ADCY9: variants seen among roughly 807,000 people sequenced by gnomAD.
ADCY9 encodes adenylate cyclase 9.
Under a neutral mutation model 101.5 loss-of-function variants are expected in ADCY9, and 50 were observed. The ratio of observed to expected loss-of-function variants is 0.49; its 90% confidence interval spans 0.39 to 0.62. The LOEUF is 0.62. Ranked by LOEUF, ADCY9 falls within the 20% of genes least tolerant of loss-of-function variation. The pLI, the probability that ADCY9 is intolerant of heterozygous loss-of-function variation, is 0.00. For missense variants in ADCY9, 1,662 were observed against 1,800.4 expected (o/e 0.92, Z 1.39); for synonymous variants, 905 against 769.3 (o/e 1.18, Z -2.92).
intron 2 of ADCY9, among the ~76,000 whole-genome samples, chr16:4,016,700 T>C (rs2056440918): frequency 6.6e-6 from 1 of 152,108 alleles, no homozygotes; most frequent in Non-Finnish European, 1.5e-5. Flanking sequence ...TAAAGCTGTA[T>C]GATGTTTAGT....
intron 2 of ADCY9, among the ~76,000 whole-genome samples, chr16:4,095,550 G>T (rs2056998313): frequency 6.6e-6 from 1 of 152,070 alleles, no homozygotes; most frequent in South Asian, 2.1e-4. Flanking sequence ...TCATTTTACT[G>T]GCAACTAACC....
chr16:4,085,222 C>G (rs1041615445), intron 2 of ADCY9, among the ~76,000 whole-genome samples: 2 of 152,208 alleles, frequency 1.3e-5, no homozygotes, highest in Admixed American at 1.3e-4. Flanking sequence ...ATTAGCGGGG[C>G]ATGGTGGCGC....
downstream of ADCY9, among the ~76,000 whole-genome samples, chr16:3,961,601 CG>C (rs2055939009): frequency 6.6e-6 from 1 of 152,156 alleles, no homozygotes; most frequent in African/African-American, 2.4e-5. Flanking sequence ...TCATTGGCCC[CG>C]GGCTCCAGCA....
chr16:3,990,974 A>G (rs1294169355), intron 5 of ADCY9, among the ~76,000 whole-genome samples: 1 of 152,030 alleles, frequency 6.6e-6, no homozygotes, highest in Non-Finnish European at 1.5e-5. Context: ...TAATTTTTGT[A>G]CTTTTAGTAG....
At chr16:3,956,770 C>T (rs552536337) in intron 5 of ADCY9, among the ~76,000 whole-genome samples, 11 of 151,832 alleles carry the variant, frequency 7.2e-5, no homozygotes, top group African/African-American at 2.7e-4. Flanking sequence ...GCTGAGACTA[C>T]AGGCGTGAGC....
exon 6 of ADCY9, chr16:3,953,396 T>C (rs985166676): frequency 3.9e-5 from 6 of 152,140 alleles, no homozygotes; most frequent in African/African-American, 9.7e-5. Flanking sequence ...GTTTTGGTAA[T>C]TGACAGAGCA....
chr16:4,033,445 T>G lies in ADCY9; in HGVS notation c.1694-25887A>C, dbSNP rs918660175. Reference sequence around the variant, plus strand: ...CTCCTTGAAGTAATTTTTTTTTTTTTTTTTTTTGAGACGGAGTCTTGCTCT... The same window carrying G: ...CTCCTTGAAGTAATTTTTTTTTTTTGTTTTTTTGAGACGGAGTCTTGCTCT... On this transcript the variant is annotated intron_variant, in intron 2 of 10. Transcript: ENST00000294016. Among the ~76,000 whole-genome samples, 7 of 151,052 alleles carry G rather than the reference T, an allele frequency of 4.6e-5. 1 individual carries two copies. The highest frequency in any genetic ancestry group is 6.6e-5 in the Admixed American group (1 of 15,156).
chr16:3,962,299 C>T (rs1049843749), downstream of ADCY9, among the ~76,000 whole-genome samples: 19 of 152,206 alleles, frequency 1.2e-4, no homozygotes, highest in Admixed American at 8.5e-4. Flanking sequence ...CTACTTTTTC[C>T]CCCTCAATTC....
In ADCY9 at chr16:4,069,272, GTTATTATTATTA is replaced by G. The variant is rs57466737; in HGVS notation, c.1693+44466_1693+44477del. ...TTATTTCAATATGCTGTTGTTGTAAGTTATTATTATTATTATTATTATTATTATTAGGGGGAT... is the reference window on the plus strand; with the variant it reads ...TTATTTCAATATGCTGTTGTTGTAAGTTATTATTATTATTATTAGGGGGAT... On this transcript the variant is annotated intron_variant, in intron 2 of 10. Transcript: ENST00000294016. Among the ~76,000 whole-genome samples the G allele has an allele frequency of 3.4e-5, 5 of 147,376 alleles. No homozygotes were observed. The South Asian group carries it at 6.5e-4, about 19-fold the overall frequency.
chr16:4,014,244 A>C (rs1053225945), intron 2 of ADCY9, among the ~76,000 whole-genome samples: 1 of 150,874 alleles, frequency 6.6e-6, no homozygotes, highest in Non-Finnish European at 1.5e-5. Context: ...GCTTGAACCC[A>C]GGAGGCGGAG....
rs2056866399 is a variant in ADCY9, at chr16:4,076,195, AC to A, written c.1693+37554del. ...ACTGCAGCCTGTGCAACACAGCAAG[AC>A]CCCCGTCTTACAAAACAAAAATGCA... On this transcript the variant is annotated intron_variant, in intron 2 of 10. Coordinates refer to ENST00000294016, the MANE Select transcript of ADCY9 (RefSeq NM_001116.4). 3.9e-5 allele frequency among the ~76,000 whole-genome samples: 6 copies of A among 152,218 alleles called. No homozygotes were observed. In the East Asian group the frequency reaches 7.7e-4, roughly 20 times the overall value.
At position 4,113,935 on chromosome 16, in the gene ADCY9, C is replaced by T. The variant is rs2057130027; in HGVS notation, c.1508G>A (p.Arg503Lys). The T allele has an allele frequency of 1.2e-6, 2 of 1,614,156 alleles. No individual in the cohort carries two copies. Among genetic ancestry groups the T allele is most frequent in the Non-Finnish European group, 1.7e-6 (2 of 1,180,034 alleles). The part of the protein sequence containing the change: ...GTVLCGILGM[R>K]RFKFDVWSND... ...GGACCACACGTCAAATTTAAACCTCCTCATGCCCAGGATGCCGCAAAGGAC... is the reference window on the plus strand; with the variant it reads ...GGACCACACGTCAAATTTAAACCTCTTCATGCCCAGGATGCCGCAAAGGAC... Residue 503 changes from arginine to lysine, a missense_variant, in exon 2 of 11, where the codon AGG becomes AAG. By Grantham distance (26) the Arg-to-Lys change is conservative (BLOSUM62 2). Coordinates refer to ENST00000294016, the MANE Select transcript of ADCY9 (RefSeq NM_001116.4).
chr16:4,062,423 C>T (rs922078791), intron 2 of ADCY9, among the ~76,000 whole-genome samples: 4 of 152,148 alleles, frequency 2.6e-5, no homozygotes, highest in African/African-American at 9.7e-5. Context: ...ATGGATTAAA[C>T]ACTCCAATAA....
intron 2 of ADCY9, among the ~76,000 whole-genome samples, chr16:4,070,800 G>C (rs1170365117): frequency 2.6e-5 from 4 of 151,962 alleles, no homozygotes. Context: ...ATAAAAATGA[G>C]CTGGGTGTGA....
At chr16:3,993,641 G>T in intron 3 of ADCY9, 131 bp from the exon 4 acceptor site, 1 of 1,124,356 alleles carries the variant, frequency 8.9e-7, no homozygotes, top group Non-Finnish European at 1.3e-6. Flanking sequence ...ACACAGAACC[G>T]CTCGGGGATG....
At position 4,115,551 on chromosome 16, in the gene ADCY9, C is replaced by A. The variant is rs2057145609; in HGVS notation, c.-43-66G>T. 2 of 1,347,214 alleles carry A rather than the reference C, an allele frequency of 1.5e-6. No individual in the cohort carries two copies. Among genetic ancestry groups the A allele is most frequent in the South Asian group, 3.0e-5 (2 of 67,166 alleles). 83.5% of individuals were successfully genotyped at this position (1,347,214 alleles called of 1,614,324 possible). On this transcript the variant is annotated intron_variant, in intron 1 of 10. Transcript: ENST00000294016. The surrounding 1 kb of genome is among the most constrained non-coding windows in gnomAD (Gnocchi z 6.2). ...GGCATGCACGCCTAGAGGCCCGGGA[C>A]CTGCTCCTGTCCTAAGGGGCGGCTC...
At position 4,107,858 on chromosome 16, in the gene ADCY9, GTC is replaced by G. The variant is rs570812696; in HGVS notation, c.1693+5890_1693+5891del. Among the ~76,000 whole-genome samples the G allele has an allele frequency of 5.4e-3, 821 of 152,266 alleles. 5 individuals carry two copies. Among genetic ancestry groups the G allele is most frequent in the Middle Eastern group, 0.017 (5 of 294 alleles). ...CGCATACAGAATGCCTCCGTCCACT[GTC>G]GGTCTGTCGGCCCACCAGACAGGGT... On this transcript the variant is annotated intron_variant, in intron 2 of 10. Transcript: ENST00000294016.
In ADCY9 at chr16:4,114,026, T is replaced by C. The variant is rs1422823034; in HGVS notation, c.1417A>G (p.Ile473Val). ...IEMGLGMIKAIEQFCQEKKEM... is the reference protein window; with the variant it reads ...IEMGLGMIKAVEQFCQEKKEM... ...TTCTTCTCCTGGCAGAACTGCTCGA[T>C]GGCCTTGATCATGCCCAGGCCCATC... The change falls in exon 2 of 11, where the codon ATC becomes GTC. Residue 473 changes from isoleucine to valine, a missense_variant. Transcript: ENST00000294016. This position sits in a 1 kb window ranked among gnomAD's most constrained non-coding sequence, Gnocchi z 4.3. The C allele has an allele frequency of 4.5e-5, 73 of 1,613,900 alleles. No individual in the cohort carries two copies. The highest frequency in any genetic ancestry group is 6.2e-5 in the Non-Finnish European group (73 of 1,180,046).
chr16:4,075,887 T>C (rs1198871791), intron 2 of ADCY9, among the ~76,000 whole-genome samples: 2 of 152,202 alleles, frequency 1.3e-5, no homozygotes, highest in African/African-American at 4.8e-5. Context: ...GGCAGTGTTT[T>C]TTGGAGAAAC....
Sources: allele counts gnomAD v4.1 joint callset (sites outside exome capture counted in the v4.1 genomes callset), GRCh38; gene constraint gnomAD v4.1.1; non-coding constraint Gnocchi (gnomAD v3.1); transcripts MANE v1.5; gene names NCBI Gene and HGNC (gene_info 2026-07-23, HGNC 2026-07-21).